The following CHD7 variants were observed in gnomAD, a reference collection of about 807,000 sequenced individuals.
The protein encoded by CHD7 is ATP-dependent chromatin remodeler CHD7.
A neutral mutation model predicts 307.3 loss-of-function variants in CHD7; 24 were observed. That is an observed-to-expected ratio of 0.08 (90% CI 0.06 to 0.11). The LOEUF is 0.11. Among genes scored for constraint, CHD7 ranks in the 10% least tolerant of loss-of-function variants. The probability of loss-of-function intolerance (pLI) is 1.00; values close to 1 mark genes in which losing one functional copy is unlikely to be tolerated. For missense variants in CHD7, 3,106 were observed against 3,727.1 expected, an observed-to-expected ratio of 0.83 and a Z score of 4.34; for synonymous variants, 1,363 against 1,349.9, an observed-to-expected ratio of 1.01 and a Z score of -0.21.
rs541145907 is a variant in CHD7 at position 60,688,775 on chromosome 8, A to T, written c.-175+9693A>T. Among the ~76,000 whole-genome samples the T allele has an allele frequency of 3.3e-5, 5 of 152,262 alleles. No individual in the cohort carries two copies. In the South Asian group the frequency reaches 1.0e-3, roughly 32 times the overall value. ...AACATGGTGGGTGATGTTATCCTAG[A>T]TGATCAGTGGTGTAGGCATGTTTGA... On this transcript the variant is annotated intron_variant, in intron 1 of 37. Coordinates refer to ENST00000423902, the MANE Select transcript of CHD7 (RefSeq NM_017780.4).
chr8:60,844,998 G>T lies in CHD7; in HGVS notation c.4985G>T (p.Ser1662Ile). ...TACAAAGGGGATGAGAATATCAAAA[G>T]CTTCATCTGGGATCTGATCACACCC... The part of the protein sequence containing the change: ...NHYKGDENIK[S>I]FIWDLITPTA... The change falls in exon 22 of 38, where the codon AGC (serine) becomes ATC (isoleucine). Residue 1662 changes from serine (S) to isoleucine (I), a missense_variant. Physicochemically the swap from Ser to Ile is moderately radical, Grantham distance 142. Transcript: ENST00000423902. 6.2e-7 allele frequency: 1 copy of T among 1,613,930 alleles called. No homozygotes were observed. The highest frequency in any genetic ancestry group is 1.1e-5 in the South Asian group (1 of 91,070).
chr8:60,799,139 C>T (rs1311457204), intron 4 of CHD7, among the ~76,000 whole-genome samples: 1 of 152,200 alleles, frequency 6.6e-6, no homozygotes, highest in Non-Finnish European at 1.5e-5. Flanking sequence ...ATGAACTGCA[C>T]GTCTAAATAG....
intron 37 of CHD7, 157 bp downstream of exon 37, chr8:60,862,809 T>TAATACATCATTTCTTACGTC (rs71245526): frequency 3.8e-6 from 2 of 522,460 alleles, no homozygotes; most frequent in African/African-American, 1.9e-5. Flanking sequence ...CATACATCAT[T>TAATACATCATTTCTTACGTC]AATACATCAT....
At chr8:60,819,675 A>G (rs929642014) in intron 8 of CHD7, among the ~76,000 whole-genome samples, 1 of 152,250 alleles carries the variant, frequency 6.6e-6, no homozygotes, top group African/African-American at 2.4e-5. Context: ...AGTTTCGAGA[A>G]TGCTAAATGC....
intron 2 of CHD7, among the ~76,000 whole-genome samples, chr8:60,760,372 C>A (rs1338270198): frequency 2.7e-5 from 4 of 149,126 alleles, no homozygotes; most frequent in African/African-American, 1.0e-4. Flanking sequence ...AAACGTTAGA[C>A]CTAAAACCAT....
chr8:60,809,668 G>GAAAAA (rs36108691), intron 7 of CHD7: 1 of 96,330 alleles, frequency 1.0e-5, no homozygotes, highest in African/African-American at 4.4e-5. Context: ...AGGGAGTTTT[G>GAAAAA]AAAAAAAAAA....
intron 2 of CHD7, among the ~76,000 whole-genome samples, chr8:60,760,233 T>C (rs1359156316): frequency 6.6e-6 from 1 of 152,202 alleles, no homozygotes; most frequent in Non-Finnish European, 1.5e-5. Context: ...TAGTACTTTA[T>C]AGACCTTAAA....
intron 2 of CHD7, among the ~76,000 whole-genome samples, chr8:60,768,341 G>T (rs747707254): frequency 2.6e-5 from 4 of 152,178 alleles, no homozygotes; most frequent in Non-Finnish European, 5.9e-5. Context: ...ATCTTGAGTT[G>T]TTTTCCCATT....
chr8:60,763,096 T>C (rs1176166295), intron 2 of CHD7, among the ~76,000 whole-genome samples: 2 of 152,064 alleles, frequency 1.3e-5, no homozygotes, highest in African/African-American at 2.4e-5. Flanking sequence ...GGGAGCAGGG[T>C]GTGGCCATAT....
intron 7 of CHD7, 90 bp from the exon 8 acceptor site, chr8:60,816,297 A>G: frequency 1.4e-6 from 1 of 723,210 alleles, no homozygotes; most frequent in Non-Finnish European, 2.3e-6. Flanking sequence ...GGTTATTTTA[A>G]TTATCTGTGT....
chr8:60,827,797 G>A (rs1804320317), intron 13 of CHD7, among the ~76,000 whole-genome samples: 2 of 151,666 alleles, frequency 1.3e-5, no homozygotes, highest in Non-Finnish European at 2.9e-5. Context: ...CTTGGCAACC[G>A]AGACTTGTCA....
intron 4 of CHD7, among the ~76,000 whole-genome samples, chr8:60,796,436 T>C (rs1328326379): frequency 1.3e-5 from 2 of 152,228 alleles, no homozygotes; most frequent in African/African-American, 4.8e-5. Context: ...TTTCTCCTGA[T>C]TTATGTTTGC....
At position 60,742,271 on chromosome 8, in the gene CHD7, C is replaced by T; in HGVS notation, c.839C>T (p.Pro280Leu). 1 of 1,613,950 alleles carries T rather than the reference C, an allele frequency of 6.2e-7. No individual in the cohort carries two copies. Among genetic ancestry groups the T allele is most frequent in the South Asian group, 1.1e-5 (1 of 91,082 alleles). Reference sequence around the variant, plus strand: ...AGTCCCAGATTCTCCCCGAATCCTCCCCAACAAGGGGCTGTTAGGCCGCAA... The same window carrying T: ...AGTCCCAGATTCTCCCCGAATCCTCTCCAACAAGGGGCTGTTAGGCCGCAA... Reference protein sequence around the residue: ...AHSPRFSPNPPQQGAVRPQTL... With the variant: ...AHSPRFSPNPLQQGAVRPQTL... Residue 280 changes from proline to leucine, a missense_variant, in exon 2 of 38, where the codon CCC (proline) becomes CTC (leucine). Pro to Leu is a moderately conservative substitution (Grantham distance 98). This residue lies in a region of CHD7 where 998 missense variants were observed against 1,004.5 expected (regional missense o/e 0.99). Coordinates refer to ENST00000423902, the MANE Select transcript of CHD7 (RefSeq NM_017780.4).
At chr8:60,679,589 G>A (rs1425100042) in intron 1 of CHD7, 3 of 148,400 alleles carry the variant, frequency 2.0e-5, no homozygotes, top group East Asian at 2.0e-4. Flanking sequence ...AGTGCGAGCG[G>A]GCGATGGGCG....
intron 1 of CHD7, among the ~76,000 whole-genome samples, chr8:60,703,514 T>C (rs983583909): frequency 5.3e-5 from 8 of 151,984 alleles, no homozygotes; most frequent in Non-Finnish European, 1.2e-4. Flanking sequence ...TTTTCCACTC[T>C]CCCCCCACCA....
intron 7 of CHD7, among the ~76,000 whole-genome samples, chr8:60,812,981 T>C (rs898252940): frequency 2.0e-5 from 3 of 152,184 alleles, no homozygotes; most frequent in African/African-American, 7.2e-5. Context: ...GTTTGCATTT[T>C]ATTTATTTAC....
At chr8:60,698,621 A>G (rs1806608168) in intron 1 of CHD7, among the ~76,000 whole-genome samples, 1 of 152,158 alleles carries the variant, frequency 6.6e-6, no homozygotes, top group African/African-American at 2.4e-5. Flanking sequence ...TCCCTTCCTC[A>G]ATGCCTGGCA....
At chr8:60,797,755 C>A (rs1001982889) in intron 4 of CHD7, among the ~76,000 whole-genome samples, 2 of 152,096 alleles carry the variant, frequency 1.3e-5, no homozygotes, top group African/African-American at 4.8e-5. Flanking sequence ...TAAAATTGTT[C>A]TTGATAATGG....
At chr8:60,747,570 T>G (rs144270086) in intron 2 of CHD7, among the ~76,000 whole-genome samples, 1 of 152,378 alleles carries the variant, frequency 6.6e-6, no homozygotes, top group East Asian at 1.9e-4. Flanking sequence ...TGCTTCTGAA[T>G]GTAGTCTATG....
Sources: allele counts gnomAD v4.1 joint callset (sites outside exome capture counted in the v4.1 genomes callset), GRCh38; gene constraint gnomAD v4.1.1; regional missense constraint gnomAD v4.1.1; transcripts MANE v1.5; gene names NCBI Gene and HGNC (gene_info 2026-07-23, HGNC 2026-07-21).